The following ZNF169 variants were observed in gnomAD, a reference collection of about 807,000 sequenced individuals.
The protein encoded by ZNF169 is zinc finger protein 169.
ZNF169 carries 11 observed loss-of-function variants against 12.0 expected under a neutral mutation model. The ratio of observed to expected loss-of-function variants is 0.92; its 90% confidence interval spans 0.58 to 1.52. The LOEUF (loss-of-function observed/expected upper bound fraction) is 1.52, where lower values mean the gene tolerates loss of function less well. Among genes scored for constraint, ZNF169 ranks in the 40% most tolerant of loss-of-function variants. The probability of loss-of-function intolerance (pLI) is 0.00; values close to 1 mark genes in which losing one functional copy is unlikely to be tolerated. For missense variants in ZNF169, 722 were observed against 744.0 expected (o/e 0.97, Z 0.34); for synonymous variants, 302 against 286.5 (o/e 1.05, Z -0.55).
rs1173283058 is a variant in ZNF169, at chr9:94,300,357, T to C, written c.799T>C (p.Cys267Arg). Residue 267 changes from cysteine (C) to arginine (R), a missense_variant, in exon 5 of 5, where the codon TGT becomes CGT. Cys to Arg is a radical substitution (Grantham distance 180). Coordinates refer to ENST00000395395, the MANE Select transcript of ZNF169 (RefSeq NM_194320.4). ...TGEKPYLCPE[C>R]GRRFSQKASL... ...GGAGAAGCCATACCTGTGTCCTGAGTGTGGGCGTCGGTTTAGCCAGAAGGC... is the reference window on the plus strand; with the variant it reads ...GGAGAAGCCATACCTGTGTCCTGAGCGTGGGCGTCGGTTTAGCCAGAAGGC... 1.2e-6 allele frequency: 2 copies of C among 1,613,696 alleles called. No individual in the cohort carries two copies. The highest frequency in any genetic ancestry group is 2.7e-5 in the African/African-American group (2 of 74,776).
chr9:94,262,560 G>A (rs1246393786), intron 1 of ZNF169, among the ~76,000 whole-genome samples: 1 of 152,050 alleles, frequency 6.6e-6, no homozygotes, highest in East Asian at 1.9e-4. Flanking sequence ...CCAAGTTCAA[G>A]CGATTCTCCT....
chr9:94,296,717 C>T (rs1830958337), intron 4 of ZNF169: 3 of 455,836 alleles, frequency 6.6e-6, no homozygotes, highest in South Asian at 3.1e-5. Context: ...TTCTACTCCT[C>T]TGTTAGTGTC....
intron 1 of ZNF169, among the ~76,000 whole-genome samples, chr9:94,263,385 T>G (rs1251721578): frequency 6.6e-6 from 1 of 152,242 alleles, no homozygotes; most frequent in Admixed American, 6.5e-5. Flanking sequence ...GTTTATCTGA[T>G]AGTAATATAG....
Position 94,293,027 on chromosome 9 carries a change from C to CTTTGGAGAGT in ZNF169, c.214_215insTTTGGAGAGT (p.Pro72LeufsTer20). ...CGAACAGCTGGAGCAAGGCGACGAA[C>CTTTGGAGAGT]CTTGGAGAGAGGAGAACGAACATCT... is the stretch of plus-strand genomic sequence containing the variant. On this transcript the variant is annotated frameshift_variant, in exon 4 of 5. Coordinates refer to ENST00000395395, the MANE Select transcript of ZNF169 (RefSeq NM_194320.4). LOFTEE classifies it low-confidence loss of function (END_TRUNC). The CTTTGGAGAGT allele has an allele frequency of 6.2e-7, 1 of 1,613,660 alleles. No homozygotes were observed. Among genetic ancestry groups the CTTTGGAGAGT allele is most frequent in the Non-Finnish European group, 8.5e-7 (1 of 1,179,830 alleles).
intron 2 of ZNF169, among the ~76,000 whole-genome samples, chr9:94,290,081 T>C (rs1278663589): frequency 6.6e-6 from 1 of 152,158 alleles, no homozygotes; most frequent in East Asian, 1.9e-4. Context: ...CTAATTTAAG[T>C]CATGTAATGT....
chr9:94,273,575 C>CTT lies in ZNF169; in HGVS notation c.-55-5181_-55-5180dup, dbSNP rs768421966. Among the ~76,000 whole-genome samples the CTT allele has an allele frequency of 2.9e-3, 323 of 109,806 alleles. 10 individuals carry two copies. The highest frequency in any genetic ancestry group is 6.2e-3 in the Middle Eastern group (1 of 162). 72.0% of individuals were successfully genotyped at this position (109,806 alleles called of 152,430 possible). On this transcript the variant is annotated intron_variant, in intron 1 of 4. Transcript: ENST00000395395. Reference sequence around the variant, plus strand: ...TTCATTTAAAGCTATAACTTTCTTTCTTTCTTTTTTTTTTTTTTTTTGAGA... The same window carrying CTT: ...TTCATTTAAAGCTATAACTTTCTTTCTTTTTCTTTTTTTTTTTTTTTTTGAGA...
At chr9:94,298,164 T>TAA (rs746839233) in intron 4 of ZNF169, among the ~76,000 whole-genome samples, 5 of 136,492 alleles carry the variant, frequency 3.7e-5, no homozygotes, top group Admixed American at 7.3e-5. Context: ...GAGACTCCTT[T>TAA]AAAAAAAAAA....
At chr9:94,290,536 T>G (rs984588834) in intron 2 of ZNF169, among the ~76,000 whole-genome samples, 2 of 152,228 alleles carry the variant, frequency 1.3e-5, no homozygotes, top group Admixed American at 1.3e-4. Context: ...TTGGCATATT[T>G]TCAAGGCTTG....
In ZNF169 at chr9:94,292,989, A is replaced by G. The variant is rs1830876931; in HGVS notation, c.176A>G (p.Lys59Arg). 1 of 1,612,660 alleles carries G rather than the reference A, an allele frequency of 6.2e-7. No individual in the cohort carries two copies. The highest frequency in any genetic ancestry group is 1.3e-5 in the African/African-American group (1 of 75,014). ...CTGTGAGTAGGAATTGCATTTTCCA[A>G]ACCAAAACTCATCGAACAGCTGGAG... ...HLVSLGIAFS[K>R]PKLIEQLEQG... Residue 59 changes from lysine (K) to arginine (R), a missense_variant, in exon 4 of 5, where the codon AAA becomes AGA. By Grantham distance (26) the Lys-to-Arg change is conservative. Transcript: ENST00000395395.
At chr9:94,288,447 CTCTTT>C in intron 2 of ZNF169, 1 of 1,104,046 alleles carries the variant, frequency 9.1e-7, no homozygotes, top group South Asian at 1.2e-5. Flanking sequence ...ATCCATTCTT[CTCTTT>C]TGTTTTCAAA....
chr9:94,282,198 GA>G (rs1159807500), intron 2 of ZNF169, among the ~76,000 whole-genome samples: 2 of 152,162 alleles, frequency 1.3e-5, no homozygotes, highest in Non-Finnish European at 2.9e-5. Flanking sequence ...CCCATCTGAT[GA>G]GAATTTATGG....
chr9:94,289,037 G>A (rs1179267612), intron 2 of ZNF169, among the ~76,000 whole-genome samples: 1 of 152,126 alleles, frequency 6.6e-6, no homozygotes, highest in Non-Finnish European at 1.5e-5. Context: ...GAAATGCTTA[G>A]GAAAATTATG....
chr9:94,282,804 T>G (rs1830664148), intron 2 of ZNF169, among the ~76,000 whole-genome samples: 1 of 152,206 alleles, frequency 6.6e-6, no homozygotes, highest in African/African-American at 2.4e-5. Context: ...CCTGGTTTAT[T>G]TAGGGGTTCA....
rs1271472169 is a variant in ZNF169, at chr9:94,270,733, ATAATTAATG to A, written c.-55-8022_-55-8014del. On this transcript the variant is annotated intron_variant, in intron 1 of 4. Coordinates refer to ENST00000395395, the MANE Select transcript of ZNF169 (RefSeq NM_194320.4). Reference sequence around the variant, plus strand: ...TATAATATATAATATTATATATTATATAATTAATGTATTTATATAATATATAAATATATA... The same window carrying A: ...TATAATATATAATATTATATATTATATATTTATATAATATATAAATATATA... 1.1e-3 allele frequency among the ~76,000 whole-genome samples: 17 copies of A among 15,230 alleles called. 1 individual carries two copies. In the East Asian group the frequency reaches 0.062, roughly 56 times the overall value. The allele number at this position is 15,230 out of a possible 152,430, so 10.0% of individuals were successfully genotyped here. A position where few individuals can be genotyped will look rare whatever the true frequency, so the allele number is the denominator to read the frequency against.
chr9:94,301,054 C>T lies in ZNF169; in HGVS notation c.1496C>T (p.Ser499Leu), dbSNP rs779228500. The change falls in exon 5 of 5, where the codon TCG (serine) becomes TTG (leucine). Residue 499 changes from serine (S) to leucine (L), a missense_variant. Physicochemically the swap from Ser to Leu is moderately radical, Grantham distance 145. Coordinates refer to ENST00000395395, the MANE Select transcript of ZNF169 (RefSeq NM_194320.4). ...PKCGRAFGFK[S>L]LLTRHQRTHS... ...TGTGGGCGTGCATTTGGCTTTAAGT[C>T]GCTCCTCACCCGACACCAGAGGACA... 9.9e-6 allele frequency: 16 copies of T among 1,613,602 alleles called. No homozygotes were observed. The highest frequency in any genetic ancestry group is 3.3e-4 in the Middle Eastern group (2 of 6,080).
intron 1 of ZNF169, among the ~76,000 whole-genome samples, chr9:94,272,015 G>A (rs1453874492): frequency 6.6e-6 from 1 of 152,122 alleles, no homozygotes; most frequent in Non-Finnish European, 1.5e-5. Flanking sequence ...CTTTACAGAT[G>A]TAGGGCCACT....
rs563828564 is a variant in ZNF169 at position 94,259,301 on chromosome 9, C to T, written c.-100C>T. 1 of 152,270 alleles carries T rather than the reference C, an allele frequency of 6.6e-6. No homozygotes were observed. Among genetic ancestry groups the T allele is most frequent in the African/African-American group, 2.4e-5 (1 of 41,468 alleles). The allele number at this position is 152,270 out of a possible 1,614,324, so 9.4% of individuals were successfully genotyped here. A position where few individuals can be genotyped will look rare whatever the true frequency, so the allele number is the denominator to read the frequency against. On this transcript the variant is annotated 5_prime_UTR_variant, in exon 1 of 5. Coordinates refer to ENST00000395395, the MANE Select transcript of ZNF169 (RefSeq NM_194320.4). ...GTGTAGTTCCGTGCCCAGGGGCAGT[C>T]CGGCTCGCGTACTTCCGCGTTCCGG...
chr9:94,270,932 TATATA>T (rs201405073), intron 1 of ZNF169, among the ~76,000 whole-genome samples: 8 of 44,950 alleles, frequency 1.8e-4, no homozygotes, highest in East Asian at 1.4e-3. Context: ...ATATAAATAA[TATATA>T]ATATATTATA....
rs1414705848 is a variant in ZNF169 at position 94,270,228 on chromosome 9, C to T, written c.-55-8530C>T. ...TGATACTTAGCCTGTCACAATCCTA[C>T]CAGGGTTGTACGAGAATTCTGTTGC... is the stretch of plus-strand genomic sequence containing the variant. On this transcript the variant is annotated intron_variant, in intron 1 of 4. Coordinates refer to ENST00000395395, the MANE Select transcript of ZNF169 (RefSeq NM_194320.4). 3.3e-5 allele frequency among the ~76,000 whole-genome samples: 5 copies of T among 152,262 alleles called. No homozygotes were observed. The East Asian group carries it at 9.7e-4, about 29-fold the overall frequency.
Sources: gnomAD v4.1 joint callset for allele counts (sites outside exome capture counted in the v4.1 genomes callset) on GRCh38, gnomAD v4.1.1 for gene constraint, MANE v1.5 for transcripts, NCBI Gene and HGNC (gene_info 2026-07-23, HGNC 2026-07-21) for gene names.